Variants in PCDH11X observed in about 807,000 individuals in gnomAD.
The protein encoded by PCDH11X is protocadherin-11 X-linked.
PCDH11X carries 18 observed loss-of-function variants against 53.3 expected under a neutral mutation model. The observed-to-expected ratio is 0.34, with a 90% CI of 0.23 to 0.50. The LOEUF (loss-of-function observed/expected upper bound fraction) is 0.50, where lower values mean the gene tolerates loss of function less well. Among genes scored for constraint, PCDH11X ranks in the 20% least tolerant of loss-of-function variants. The probability of loss-of-function intolerance (pLI) is 0.98; values close to 1 mark genes in which losing one functional copy is unlikely to be tolerated. For missense variants in PCDH11X, 570 were observed against 1,032.4 expected (o/e 0.55, Z 6.14); for synonymous variants, 279 against 393.3 (o/e 0.71, Z 3.44).
At chrX:92,117,410 C>T (rs1355341204) in intron 6 of PCDH11X, among the ~76,000 whole-genome samples, 6 of 104,532 alleles carry the variant, frequency 5.7e-5, no homozygotes, top group Admixed American at 1.1e-4. Flanking sequence ...TTACTCCAGC[C>T]GGGGTGAAAC....
intron 10 of PCDH11X, among the ~76,000 whole-genome samples, chrX:92,529,094 CA>C (rs1373438846): frequency 9.0e-6 from 1 of 111,247 alleles, no homozygotes; most frequent in Non-Finnish European, 1.9e-5. Context: ...GGAAAGTTGC[CA>C]TTTTTATGGG....
intron 9 of PCDH11X, among the ~76,000 whole-genome samples, chrX:92,432,065 C>T (rs975078239): frequency 9.1e-6 from 1 of 109,771 alleles, no homozygotes. Flanking sequence ...AATGAATTGA[C>T]CATTTTATCG....
At chrX:92,147,978 T>C (rs184061326) in intron 6 of PCDH11X, among the ~76,000 whole-genome samples, 1 of 88,087 alleles carries the variant, frequency 1.1e-5, no homozygotes, top group South Asian at 5.7e-4. Context: ...CCTTCCTTCC[T>C]TCCTTCCTTT....
chrX:91,927,297 C>T (rs778049783), intron 6 of PCDH11X, among the ~76,000 whole-genome samples: 1 of 109,895 alleles, frequency 9.1e-6, no homozygotes, highest in East Asian at 2.9e-4. Context: ...GACAAATTCA[C>T]CATCTAAGTG....
At chrX:91,812,576 A>G (rs1202427509) in intron 4 of PCDH11X, among the ~76,000 whole-genome samples, 1 of 111,124 alleles carries the variant, frequency 9.0e-6, no homozygotes, top group African/African-American at 3.3e-5. Context: ...GTCTCTACCC[A>G]GTTTTTAAGT....
chrX:91,871,509 GC>G (rs1939308750), intron 5 of PCDH11X, among the ~76,000 whole-genome samples: 1 of 104,931 alleles, frequency 9.5e-6, no homozygotes, highest in East Asian at 3.0e-4. Flanking sequence ...CATTTTCTGG[GC>G]AACTGTACCA....
intron 6 of PCDH11X, among the ~76,000 whole-genome samples, chrX:91,895,066 G>A (rs1424157741): frequency 1.8e-5 from 2 of 110,897 alleles, no homozygotes; most frequent in Non-Finnish European, 3.8e-5. Flanking sequence ...ACACTTTCTG[G>A]ATAAGGTGAC....
chrX:92,222,040 G>A (rs1569428840), intron 7 of PCDH11X, among the ~76,000 whole-genome samples: 1 of 110,921 alleles, frequency 9.0e-6, no homozygotes. Flanking sequence ...CATTATGTTG[G>A]TCAGGCTGGT....
chrX:92,510,158 T>G (rs1294431974), intron 10 of PCDH11X, among the ~76,000 whole-genome samples: 2 of 106,414 alleles, frequency 1.9e-5, no homozygotes, highest in Non-Finnish European at 3.9e-5. Flanking sequence ...TATCTTGTTG[T>G]AGTTGAAATT....
chrX:92,186,723 CAGAT>C (rs1268925802), intron 6 of PCDH11X, among the ~76,000 whole-genome samples: 1 of 108,799 alleles, frequency 9.2e-6, no homozygotes, highest in Non-Finnish European at 1.9e-5. Flanking sequence ...CACAAAATTA[CAGAT>C]AGATAGGAGG....
At chrX:92,342,148 C>G (rs750377646) in intron 8 of PCDH11X, among the ~76,000 whole-genome samples, 1 of 111,683 alleles carries the variant, frequency 9.0e-6, no homozygotes, top group Non-Finnish European at 1.9e-5. Flanking sequence ...TATCATCTCA[C>G]AAGAGTCAGT....
chrX:91,901,805 A>T (rs2147785356), intron 6 of PCDH11X, among the ~76,000 whole-genome samples: 1 of 111,926 alleles, frequency 8.9e-6, no homozygotes, highest in South Asian at 3.7e-4. Flanking sequence ...AATACATACT[A>T]CTTAGGCTCG....
intron 10 of PCDH11X, among the ~76,000 whole-genome samples, chrX:92,514,872 C>T (rs2074231662): frequency 9.3e-6 from 1 of 107,615 alleles, no homozygotes; most frequent in Non-Finnish European, 1.9e-5. Flanking sequence ...ACAGTGAAAC[C>T]CCATCCCTAC....
At chrX:91,784,318 G>A (rs1172174395) in intron 1 of PCDH11X, among the ~76,000 whole-genome samples, 1 of 111,893 alleles carries the variant, frequency 8.9e-6, no homozygotes, top group African/African-American at 3.2e-5. Flanking sequence ...CCAGAAAAGA[G>A]GACTAATGAA....
intron 6 of PCDH11X, among the ~76,000 whole-genome samples, chrX:92,149,434 T>A (rs1475267945): frequency 3.1e-5 from 2 of 65,360 alleles, no homozygotes; most frequent in Non-Finnish European, 6.2e-5. Flanking sequence ...TCTCTCACTC[T>A]CTCTCTCTCT....
intron 6 of PCDH11X, among the ~76,000 whole-genome samples, chrX:91,937,530 C>A (rs998444778): frequency 9.0e-6 from 1 of 111,106 alleles, no homozygotes; most frequent in African/African-American, 3.2e-5. Context: ...TTTACTAATT[C>A]ATTTCTTCCA....
chrX:91,961,663 G>A (rs1383522167), intron 6 of PCDH11X, among the ~76,000 whole-genome samples: 2 of 107,542 alleles, frequency 1.9e-5, no homozygotes, highest in African/African-American at 6.8e-5. Flanking sequence ...CACTAACAAT[G>A]AACTCTCAAA....
At chrX:91,881,563 A>C (rs769156782) in intron 6 of PCDH11X, among the ~76,000 whole-genome samples, 1 of 111,802 alleles carries the variant, frequency 8.9e-6, no homozygotes, top group African/African-American at 3.2e-5. Flanking sequence ...TACTAAAAAT[A>C]ATTTGAATCT....
At position 92,457,096 on chromosome X, in the gene PCDH11X, C is replaced by T. The variant is rs767129276; in HGVS notation, c.3344-11203C>T. Among the ~76,000 whole-genome samples, 3 of 108,990 alleles carry T rather than the reference C, an allele frequency of 2.8e-5. No homozygotes were observed. In the Admixed American group the frequency reaches 3.0e-4, roughly 11 times the overall value. 94.6% of individuals were successfully genotyped at this position (108,990 alleles called of 115,157 possible). ...CATATATCTTTCAATATCAAGCAAA[C>T]GGATTTGATTTTATTCCATTCCTTT... is the stretch of plus-strand genomic sequence containing the variant. On this transcript the variant is annotated intron_variant, in intron 9 of 10. Coordinates refer to ENST00000682573, the MANE Select transcript of PCDH11X (RefSeq NM_032968.5).
Sources: allele counts gnomAD v4.1 joint callset (sites outside exome capture counted in the v4.1 genomes callset), GRCh38; gene constraint gnomAD v4.1.1; transcripts MANE v1.5; gene names NCBI Gene and HGNC (gene_info 2026-07-23, HGNC 2026-07-21).